XIRP2: variants seen among roughly 807,000 people sequenced by gnomAD.
XIRP2 encodes the protein xin actin-binding repeat-containing protein 2.
A neutral mutation model predicts 277.0 loss-of-function variants in XIRP2; 236 were observed. That is an observed-to-expected ratio of 0.85 (90% CI 0.77 to 0.95). XIRP2 has a LOEUF of 0.95. XIRP2 is among the 40% of genes least tolerant of loss of function. The pLI, the probability that XIRP2 is intolerant of heterozygous loss-of-function variation, is 0.00. For missense variants in XIRP2, 4,640 were observed against 4,157.5 expected (o/e 1.12, Z -3.19); for synonymous variants, 1,490 against 1,416.5 (o/e 1.05, Z -1.17).
chr2:166,968,786 T>C (rs1686496576), intron 2 of XIRP2, among the ~76,000 whole-genome samples: 1 of 151,896 alleles, frequency 6.6e-6, no homozygotes, highest in Non-Finnish European at 1.5e-5. Flanking sequence ...TACAATAGCA[T>C]GTACGAATAT....
intron 2 of XIRP2, 94 bp from the exon 3 acceptor site, chr2:167,135,815 C>T (rs1673560578): frequency 2.5e-6 from 3 of 1,205,870 alleles, no homozygotes; most frequent in Non-Finnish European, 3.3e-6. Flanking sequence ...AGAAATCCCT[C>T]CCTCTTTCAT....
chr2:167,145,659 C>A (rs889155624), intron 3 of XIRP2, among the ~76,000 whole-genome samples: 9 of 152,078 alleles, frequency 5.9e-5, no homozygotes, highest in Admixed American at 5.9e-4. Flanking sequence ...ACTCAGGATG[C>A]TAGAAGGAAG....
chr2:167,028,515 T>C (rs1258954013), intron 2 of XIRP2, among the ~76,000 whole-genome samples: 1 of 152,072 alleles, frequency 6.6e-6, no homozygotes, highest in Non-Finnish European at 1.5e-5. Flanking sequence ...GGGTTGCCCC[T>C]TAATGCAGAA....
In XIRP2 at chr2:167,248,928, A is replaced by T; in HGVS notation, c.7536A>T (p.Lys2512Asn). The change falls in exon 9 of 11, where the codon AAA (lysine) becomes AAT (asparagine). Residue 2512 changes from lysine to asparagine, a missense_variant. Coordinates refer to ENST00000409195, the MANE Select transcript of XIRP2 (RefSeq NM_152381.6). Reference sequence around the variant, plus strand: ...TTCCAGGAACTTCAGCACCCAGGAAAAAACAGATTGCGCCTCTTATAAAAT... The same window carrying T: ...TTCCAGGAACTTCAGCACCCAGGAATAAACAGATTGCGCCTCTTATAAAAT... ...HTVPGTSAPR[K>N]KQIAPLIKSH... The T allele has an allele frequency of 6.2e-7, 1 of 1,613,798 alleles. No homozygotes were observed. The highest frequency in any genetic ancestry group is 8.5e-7 in the Non-Finnish European group (1 of 1,179,804).
In XIRP2 at chr2:167,244,883, C is replaced by G. The variant is rs374700702; in HGVS notation, c.3491C>G (p.Thr1164Arg). The G allele has an allele frequency of 6.2e-7, 1 of 1,613,022 alleles. No homozygotes were observed. Among genetic ancestry groups the G allele is most frequent in the Non-Finnish European group, 8.5e-7 (1 of 1,179,616 alleles). ...QEEIQGGDVRTACFLFETENL... is the reference protein window; with the variant it reads ...QEEIQGGDVRRACFLFETENL... Reference sequence around the variant, plus strand: ...GAGATCCAAGGTGGGGATGTTCGTACAGCATGTTTTCTTTTTGAGACAGAA... The same window carrying G: ...GAGATCCAAGGTGGGGATGTTCGTAGAGCATGTTTTCTTTTTGAGACAGAA... Residue 1164 changes from threonine (T) to arginine (R), a missense_variant, in exon 9 of 11, where the codon ACA becomes AGA. Physicochemically the swap from Thr to Arg is moderately conservative, Grantham distance 71. Coordinates refer to ENST00000409195, the MANE Select transcript of XIRP2 (RefSeq NM_152381.6).
chr2:167,079,652 T>A (rs1203242118), intron 2 of XIRP2, among the ~76,000 whole-genome samples: 1 of 152,016 alleles, frequency 6.6e-6, no homozygotes, highest in Non-Finnish European at 1.5e-5. Context: ...TCTCTGAGGA[T>A]CTTTTTTATT....
intron 2 of XIRP2, among the ~76,000 whole-genome samples, chr2:167,021,504 A>G (rs1056674398): frequency 1.5e-4 from 23 of 152,142 alleles, no homozygotes; most frequent in Admixed American, 1.4e-3. Flanking sequence ...AAGGTCAATT[A>G]CCTTTTTTAA....
Position 167,242,896 on chromosome 2 carries a change from T to A in XIRP2, c.1504T>A (p.Tyr502Asn), listed in dbSNP as rs999055047. 1.2e-6 allele frequency: 2 copies of A among 1,614,084 alleles called. No individual in the cohort carries two copies. The highest frequency in any genetic ancestry group is 1.7e-6 in the Non-Finnish European group (2 of 1,179,970). Residue 502 changes from tyrosine to asparagine, a missense_variant, in exon 9 of 11, where the codon TAT becomes AAT. Tyr to Asn is a moderately radical substitution (Grantham distance 143). Transcript: ENST00000409195. ...AAATTTGTATGAATTAAACCGTTTA[T>A]ATAAACACATCCATCCTGAGTTAAG... ...QRNLYELNRL[Y>N]KHIHPELRKN...
Position 167,029,521 on chromosome 2 carries a change from T to G in XIRP2, c.409-106388T>G, listed in dbSNP as rs1212528318. 3.3e-5 allele frequency among the ~76,000 whole-genome samples: 5 copies of G among 152,262 alleles called. No homozygotes were observed. In the East Asian group the frequency reaches 7.7e-4, roughly 24 times the overall value. On this transcript the variant is annotated intron_variant, in intron 2 of 10. Coordinates refer to ENST00000409195, the MANE Select transcript of XIRP2 (RefSeq NM_152381.6). ...GATGGAATACGTTTATAGATTTTCA[T>G]ATGTTGAACCAGCCTTGCATCCCAG...
chr2:167,250,008 A>C lies in XIRP2; in HGVS notation c.8616A>C (p.Thr2872=), dbSNP rs369691721. 4.3e-6 allele frequency: 7 copies of C among 1,613,554 alleles called. No homozygotes were observed. The highest frequency in any genetic ancestry group is 1.7e-5 in the Admixed American group (1 of 59,952). The change falls in exon 9 of 11, where the codon ACA becomes ACC. Residue 2872 remains threonine (T), a synonymous_variant. Transcript: ENST00000409195. Reference sequence around the variant, plus strand: ...CACAGACTCAGAATTTTCAGCAAACACAAATACAGACCGCTGAAAGTAAAG... The same window carrying C: ...CACAGACTCAGAATTTTCAGCAAACCCAAATACAGACCGCTGAAAGTAAAG... The part of the protein sequence containing the change: ...LDSQTQNFQQ[T]QIQTAESKAE...
At chr2:167,113,204 T>C (rs1486946367) in intron 2 of XIRP2, among the ~76,000 whole-genome samples, 2 of 152,170 alleles carry the variant, frequency 1.3e-5, no homozygotes, top group Non-Finnish European at 2.9e-5. Flanking sequence ...AGTATCTTTG[T>C]TAATTTTCCG....
rs547407335 is a variant in XIRP2 at position 166,974,104 on chromosome 2, C to T, written c.408+70214C>T. The stretch of plus-strand genomic sequence containing the variant: ...GCAAACACTGGGTGATAGGTTTCAA[C>T]TTAAAAAATAACATGTGCTGATTGC... On this transcript the variant is annotated intron_variant, in intron 2 of 10. Transcript: ENST00000409195. Among the ~76,000 whole-genome samples, 15 of 152,250 alleles carry T rather than the reference C, an allele frequency of 9.9e-5. No homozygotes were observed. The East Asian group carries it at 2.9e-3, about 29-fold the overall frequency.
chr2:167,242,048 G>T (rs374841394), intron 8 of XIRP2, 138 bp downstream of exon 8: 118 of 1,120,178 alleles, frequency 1.1e-4, no homozygotes, highest in Non-Finnish European at 1.3e-4. Flanking sequence ...AGTTCTGTAA[G>T]GAGAATATTG....
intron 2 of XIRP2, among the ~76,000 whole-genome samples, chr2:167,073,488 G>T (rs1360592796): frequency 6.6e-6 from 1 of 151,954 alleles, no homozygotes; most frequent in Non-Finnish European, 1.5e-5. Flanking sequence ...ATTTCAGTGG[G>T]TCTGTCACTT....
At chr2:166,975,930 C>CAAAAAAAAAAAAAAAAAA (rs550529718) in intron 2 of XIRP2, among the ~76,000 whole-genome samples, 7 of 45,710 alleles carry the variant, frequency 1.5e-4, no homozygotes, top group Non-Finnish European at 2.1e-4. Context: ...GACTCCGTCT[C>CAAAAAAAAAAAAAAAAAA]AAAAAAAAAA....
At chr2:167,006,283 A>G (rs2105462289) in intron 2 of XIRP2, among the ~76,000 whole-genome samples, 1 of 151,776 alleles carries the variant, frequency 6.6e-6, no homozygotes, top group South Asian at 2.1e-4. Context: ...TAGGAGTTAG[A>G]GAAGACTTTG....
chr2:166,968,627 G>C (rs1273925387), intron 2 of XIRP2, among the ~76,000 whole-genome samples: 1 of 151,854 alleles, frequency 6.6e-6, no homozygotes, highest in Admixed American at 6.6e-5. Flanking sequence ...TTACATATGA[G>C]GAAATATCCA....
chr2:167,110,923 T>A (rs1361542929), intron 2 of XIRP2, among the ~76,000 whole-genome samples: 1 of 152,136 alleles, frequency 6.6e-6, no homozygotes, highest in Admixed American at 6.6e-5. Flanking sequence ...ATTTTCTTCT[T>A]CTTGTGGCAA....
At chr2:167,103,514 TAG>T (rs1440410965) in intron 2 of XIRP2, among the ~76,000 whole-genome samples, 1 of 152,168 alleles carries the variant, frequency 6.6e-6, no homozygotes, top group Non-Finnish European at 1.5e-5. Flanking sequence ...CCTTGAGATT[TAG>T]AGAGTCACCA....
Sources: gnomAD v4.1 joint callset for allele counts (sites outside exome capture counted in the v4.1 genomes callset) on GRCh38, gnomAD v4.1.1 for gene constraint, MANE v1.5 for transcripts, NCBI Gene and HGNC (gene_info 2026-07-23, HGNC 2026-07-21) for gene names.